GRIK4: variants seen among roughly 807,000 people sequenced by gnomAD.
The protein encoded by GRIK4 is glutamate receptor ionotropic, kainate 4.
Under a neutral mutation model 104.9 loss-of-function variants are expected in GRIK4, and 40 were observed. The ratio of observed to expected loss-of-function variants is 0.38; its 90% CI spans 0.30 to 0.50. The LOEUF is 0.50. Ranked by LOEUF, GRIK4 falls within the 20% of genes least tolerant of loss-of-function variation. GRIK4 has a pLI of 0.93. For missense variants in GRIK4, 1,047 were observed against 1,308.1 expected, an observed-to-expected ratio of 0.80 and a Z score of 3.08; for synonymous variants, 485 against 524.9, an observed-to-expected ratio of 0.92 and a Z score of 1.04.
chr11:120,870,199 G>C (rs1049948164), intron 9 of GRIK4: 6 of 152,248 alleles, frequency 3.9e-5, no homozygotes, highest in Non-Finnish European at 7.3e-5. Flanking sequence ...GACCACCCAG[G>C]ATTCCCTGGG....
intron 3 of GRIK4, among the ~76,000 whole-genome samples, chr11:120,753,313 G>GTGTGTGTGTGTA (rs1555055653): frequency 4.5e-5 from 5 of 110,292 alleles, no homozygotes; most frequent in African/African-American, 1.3e-4. Context: ...GTGTGTGTGT[G>GTGTGTGTGTGTA]TGTGTGTGTG....
intron 1 of GRIK4, among the ~76,000 whole-genome samples, chr11:120,518,446 G>A (rs1947756670): frequency 6.6e-6 from 1 of 152,124 alleles, no homozygotes; most frequent in African/African-American, 2.4e-5. Flanking sequence ...AGGCAGCAAA[G>A]CTATATATAT....
chr11:120,655,825 G>A (rs1391273161), intron 2 of GRIK4, among the ~76,000 whole-genome samples: 1 of 152,182 alleles, frequency 6.6e-6, no homozygotes, highest in Non-Finnish European at 1.5e-5. Flanking sequence ...ACTAAGAAGA[G>A]GAAGTAGGAG....
At chr11:120,942,755 C>T (rs1421353045) in intron 14 of GRIK4, among the ~76,000 whole-genome samples, 1 of 152,168 alleles carries the variant, frequency 6.6e-6, no homozygotes, top group Non-Finnish European at 1.5e-5. Context: ...GGGATGACAA[C>T]TTTTCTGTGT....
At chr11:120,534,389 G>A (rs774494589) in intron 1 of GRIK4, among the ~76,000 whole-genome samples, 24 of 152,130 alleles carry the variant, frequency 1.6e-4, no homozygotes, top group Non-Finnish European at 3.2e-4. Flanking sequence ...AGAGACAAGT[G>A]GTGGGGCTGG....
At chr11:120,668,209 A>G (rs1202248641) in intron 3 of GRIK4, among the ~76,000 whole-genome samples, 1 of 152,012 alleles carries the variant, frequency 6.6e-6, no homozygotes, top group Non-Finnish European at 1.5e-5. Flanking sequence ...GTAAGCAGAC[A>G]GACAGAGAAA....
intron 13 of GRIK4, among the ~76,000 whole-genome samples, chr11:120,917,401 G>T (rs1242089518): frequency 6.6e-6 from 1 of 152,160 alleles, no homozygotes; most frequent in East Asian, 1.9e-4. Flanking sequence ...GTGGGGTAAA[G>T]GAACAGATCA....
chr11:120,566,456 A>G (rs1022822195), intron 1 of GRIK4, among the ~76,000 whole-genome samples: 5 of 152,202 alleles, frequency 3.3e-5, no homozygotes, highest in African/African-American at 4.8e-5. Flanking sequence ...CAGCTAATCT[A>G]CGGACGAAGT....
At chr11:120,540,893 C>T (rs1283452677) in intron 1 of GRIK4, among the ~76,000 whole-genome samples, 2 of 152,196 alleles carry the variant, frequency 1.3e-5, no homozygotes, top group Non-Finnish European at 2.9e-5. Context: ...GGGAGGATCT[C>T]TTGAGCCTGG....
intron 1 of GRIK4, among the ~76,000 whole-genome samples, chr11:120,548,837 A>C (rs1948111563): frequency 6.6e-6 from 1 of 152,178 alleles, no homozygotes; most frequent in South Asian, 2.1e-4. Context: ...GCTCAGCAGA[A>C]GGGGCCGAAT....
chr11:120,550,181 G>A (rs1948125236), intron 1 of GRIK4, among the ~76,000 whole-genome samples: 1 of 152,072 alleles, frequency 6.6e-6, no homozygotes, highest in African/African-American at 2.4e-5. Flanking sequence ...ACACCCAGGG[G>A]TGGTGGCAGA....
At chr11:120,833,603 C>T (rs1953495784) in intron 7 of GRIK4, among the ~76,000 whole-genome samples, 1 of 152,160 alleles carries the variant, frequency 6.6e-6, no homozygotes, top group Non-Finnish European at 1.5e-5. Context: ...AGCCTTGTGC[C>T]CTCCATAGCT....
At chr11:120,781,832 A>G (rs114953732) in intron 3 of GRIK4, among the ~76,000 whole-genome samples, 1,561 of 152,132 alleles carry the variant, frequency 0.01, 34 homozygotes, top group African/African-American at 0.035. Context: ...CTGGAATAAG[A>G]CAGATTCTCA....
chr11:120,667,799 C>A (rs966918619), intron 3 of GRIK4, among the ~76,000 whole-genome samples: 2 of 152,218 alleles, frequency 1.3e-5, no homozygotes, highest in Non-Finnish European at 2.9e-5. Flanking sequence ...CAGATGTGCA[C>A]GCAGTGGCAA....
chr11:120,512,043 CCCCCGCCCCCGCGCCCTCCT>C (rs1464928641), intron 1 of GRIK4, among the ~76,000 whole-genome samples, 156 bp downstream of exon 1: 1 of 136,822 alleles, frequency 7.3e-6, no homozygotes, highest in Non-Finnish European at 1.6e-5. Context: ...CCTGCCCCGG[CCCCCGCCCCCGCGCCCTCCT>C]CCCCGCTCCC....
intron 11 of GRIK4, among the ~76,000 whole-genome samples, chr11:120,893,722 G>A (rs989326278): frequency 1.3e-5 from 2 of 152,234 alleles, no homozygotes; most frequent in Admixed American, 1.3e-4. Context: ...CATGTTGGCA[G>A]CTTTAAATCA....
At chr11:120,799,058 T>C (rs889488332) in intron 3 of GRIK4, among the ~76,000 whole-genome samples, 1 of 152,170 alleles carries the variant, frequency 6.6e-6, no homozygotes, top group Non-Finnish European at 1.5e-5. Flanking sequence ...CTTTGAACAC[T>C]GATGAGGCAG....
intron 1 of GRIK4, among the ~76,000 whole-genome samples, chr11:120,634,940 G>A (rs1057408568): frequency 6.6e-6 from 1 of 152,182 alleles, no homozygotes; most frequent in African/African-American, 2.4e-5. Context: ...CGTCCCCCTT[G>A]CACCTCAGTT....
chr11:120,698,040 A>G (rs2135325038), intron 3 of GRIK4, among the ~76,000 whole-genome samples: 1 of 152,224 alleles, frequency 6.6e-6, no homozygotes, highest in East Asian at 1.9e-4. Flanking sequence ...GCAGGGGGGC[A>G]GTGTGCCAAG....
Sources: allele counts gnomAD v4.1 joint callset (sites outside exome capture counted in the v4.1 genomes callset), GRCh38; gene constraint gnomAD v4.1.1; transcripts MANE v1.5; gene names NCBI Gene and HGNC (gene_info 2026-07-23, HGNC 2026-07-21).